Variants in NPRL2 observed in about 807,000 individuals in gnomAD.
NPRL2 encodes the protein NPR2 like, GATOR1 complex subunit.
Under a neutral mutation model 51.1 loss-of-function variants are expected in NPRL2, and 21 were observed. The ratio of observed to expected loss-of-function variants is 0.41; its 90% confidence interval spans 0.29 to 0.59. The LOEUF (loss-of-function observed/expected upper bound fraction) is 0.59. NPRL2 is among the 20% of genes least tolerant of loss of function. The probability of loss-of-function intolerance (pLI) is 0.29; values close to 1 mark genes in which losing one functional copy is unlikely to be tolerated. For synonymous variants in NPRL2, 175 were observed against 187.8 expected, an observed-to-expected ratio of 0.93 and a Z score of 0.56; for missense variants, 376 against 483.4, an observed-to-expected ratio of 0.78 and a Z score of 2.08.
Position 50,348,267 on chromosome 3 carries a change from C to T in NPRL2, c.815-26G>A. The T allele has an allele frequency of 6.2e-7, 1 of 1,613,836 alleles. No homozygotes were observed. The highest frequency in any genetic ancestry group is 8.5e-7 in the Non-Finnish European group (1 of 1,179,884). On this transcript the variant is annotated intron_variant, in intron 8 of 10. Coordinates refer to ENST00000232501, the MANE Select transcript of NPRL2 (RefSeq NM_006545.5). The surrounding 1 kb of genome is among the most constrained non-coding windows in gnomAD (Gnocchi z 5.8). ...CTGTGGGTGCCAGGGATCAGCTCAT[C>T]ATGTGGCCCTGCCCTCCCCAAGATG...
Position 50,349,833 on chromosome 3 carries a change from G to C in NPRL2, c.171C>G (p.Val57=), listed in dbSNP as rs756778648. ...KPELQNKLIT[V]TAMEKKLIGC... is the part of the protein sequence containing the mutation. ...CGATCAGCTTCTTTTCCATAGCTGT[G>C]CTGGATAATTGGAACACAGTCAGGC... is the stretch of plus-strand genomic sequence containing the variant. The change falls in exon 3 of 11, where the codon GTC becomes GTG. Residue 57 remains valine (V), a splice_region_variant and synonymous_variant. Coordinates refer to ENST00000232501, the MANE Select transcript of NPRL2 (RefSeq NM_006545.5). The surrounding 1 kb of genome is among the most constrained non-coding windows in gnomAD (Gnocchi z 4.6). 21 of 1,611,996 alleles carry C rather than the reference G, an allele frequency of 1.3e-5. No individual in the cohort carries two copies. Among genetic ancestry groups the C allele is most frequent in the Middle Eastern group, 1.7e-4 (1 of 6,058 alleles).
chr3:50,348,438 C>T lies in NPRL2; in HGVS notation c.721-28G>A. On this transcript the variant is annotated intron_variant, in intron 7 of 10. Coordinates refer to ENST00000232501, the MANE Select transcript of NPRL2 (RefSeq NM_006545.5). The surrounding 1 kb of genome is among the most constrained non-coding windows in gnomAD (Gnocchi z 5.8). ...AGAGGGTAGCAGAAGGCATAGGGGC[C>T]TGAGTGAGGGGCTTGGGAAGCTGAC... 8.7e-6 allele frequency: 14 copies of T among 1,613,430 alleles called. No homozygotes were observed. Among genetic ancestry groups the T allele is most frequent in the Non-Finnish European group, 1.1e-5 (13 of 1,179,540 alleles).
At position 50,348,365 on chromosome 3, in the gene NPRL2, C is replaced by T; in HGVS notation, c.766G>A (p.Asp256Asn). ...CATGCCTCTTGCAGGGACTTGTCAT[C>T]TACCAGGTCCTGGACCTTGGGCGTT... ...CPTPKVQDLV[D>N]DKSLQEACLS... The change falls in exon 8 of 11, where the codon GAT becomes AAT. Residue 256 changes from aspartate (D) to asparagine (N), a missense_variant. Physicochemically the swap from Asp to Asn is conservative, Grantham distance 23. Coordinates refer to ENST00000232501, the MANE Select transcript of NPRL2 (RefSeq NM_006545.5). This position sits in a 1 kb window ranked among gnomAD's most constrained non-coding sequence, Gnocchi z 5.8. The T allele has an allele frequency of 1.2e-6, 2 of 1,613,936 alleles. No individual in the cohort carries two copies. The highest frequency in any genetic ancestry group is 1.7e-6 in the Non-Finnish European group (2 of 1,180,036).
In NPRL2 at chr3:50,349,258, C is replaced by T; in HGVS notation, c.448+128G>A. 1 of 907,100 alleles carries T rather than the reference C, an allele frequency of 1.1e-6. No homozygotes were observed. Among genetic ancestry groups the T allele is most frequent in the Non-Finnish European group, 1.7e-6 (1 of 582,990 alleles). The allele number at this position is 907,100 out of a possible 1,614,324, so 56.2% of individuals were successfully genotyped here. A position where few individuals can be genotyped will look rare whatever the true frequency, so the allele number is the denominator to read the frequency against. On this transcript the variant is annotated intron_variant, in intron 4 of 10. Coordinates refer to ENST00000232501, the MANE Select transcript of NPRL2 (RefSeq NM_006545.5). The surrounding 1 kb of genome is among the most constrained non-coding windows in gnomAD (Gnocchi z 4.6). ...TCATGCATTGGACCCTGGACATGGGCACCTCAGCCCATGGCTATTTCCTGC... is the reference window on the plus strand; with the variant it reads ...TCATGCATTGGACCCTGGACATGGGTACCTCAGCCCATGGCTATTTCCTGC...
rs112055849 is a variant in NPRL2, at chr3:50,348,460, T to C, written c.721-50A>G. The C allele has an allele frequency of 1.2e-6, 2 of 1,613,396 alleles. No individual in the cohort carries two copies. The highest frequency in any genetic ancestry group is 3.3e-5 in the Admixed American group (2 of 59,994). ...GGCCTGAGTGAGGGGCTTGGGAAGCTGACACAGCCCTGGTCTGGTCCAGCC... is the reference window on the plus strand; with the variant it reads ...GGCCTGAGTGAGGGGCTTGGGAAGCCGACACAGCCCTGGTCTGGTCCAGCC... On this transcript the variant is annotated intron_variant, in intron 7 of 10. Transcript: ENST00000232501. This position sits in a 1 kb window ranked among gnomAD's most constrained non-coding sequence, Gnocchi z 5.8.
At position 50,348,534 on chromosome 3, in the gene NPRL2, A is replaced by G. The variant is rs1428487347; in HGVS notation, c.713T>C (p.Ile238Thr). The change falls in exon 7 of 11, where the codon ATC becomes ACC. Residue 238 changes from isoleucine to threonine, a missense_variant. Coordinates refer to ENST00000232501, the MANE Select transcript of NPRL2 (RefSeq NM_006545.5). The surrounding 1 kb of genome is among the most constrained non-coding windows in gnomAD (Gnocchi z 5.8). ...LYYGVVTLVSILQYSNVYCPT... is the reference protein window; with the variant it reads ...LYYGVVTLVSTLQYSNVYCPT... ...CAAACCCAACTCACCTACCTGGAGG[A>G]TGGACACCAGTGTCACAACGCCGTA... 1.2e-6 allele frequency: 2 copies of G among 1,613,972 alleles called. No individual in the cohort carries two copies. Among genetic ancestry groups the G allele is most frequent in the African/African-American group, 1.3e-5 (1 of 74,918 alleles).
rs975739402 is a variant in NPRL2 at position 50,347,513 on chromosome 3, T to C, written c.*93A>G. The C allele has an allele frequency of 2.0e-6, 3 of 1,503,260 alleles. No homozygotes were observed. Among genetic ancestry groups the C allele is most frequent in the Non-Finnish European group, 2.8e-6 (3 of 1,083,016 alleles). 93.1% of individuals were successfully genotyped at this position (1,503,260 alleles called of 1,614,324 possible). ...GCTGTTTGAAATGGATGTCTTTATT[T>C]ACAGAACTAAGAGTCAACCTCTAGA... On this transcript the variant is annotated 3_prime_UTR_variant, in exon 11 of 11. Transcript: ENST00000232501.
chr3:50,349,673 TG>T lies in NPRL2; in HGVS notation c.330del (p.Thr111HisfsTer2). 1 of 1,612,228 alleles carries T rather than the reference TG, an allele frequency of 6.2e-7. No homozygotes were observed. The highest frequency in any genetic ancestry group is 8.5e-7 in the Non-Finnish European group (1 of 1,178,796). ...CCCATCTCATTGCAGACCTCTAGTGTGGTCAGATAGCCAGCCAGCTTTTTAA... is the reference window on the plus strand; with the variant it reads ...CCCATCTCATTGCAGACCTCTAGTGTGTCAGATAGCCAGCCAGCTTTTTAA... ...PIVKKLAGYL[T>X]TLELESSFVS... On this transcript the variant is annotated frameshift_variant, in exon 3 of 11. Coordinates refer to ENST00000232501, the MANE Select transcript of NPRL2 (RefSeq NM_006545.5). LOFTEE classifies it high-confidence loss of function. The surrounding 1 kb of genome is among the most constrained non-coding windows in gnomAD (Gnocchi z 4.6).
Position 50,348,590 on chromosome 3 carries a change from C to T in NPRL2, c.684-27G>A, listed in dbSNP as rs1355857704. ...TGAGAGAGAGAGCTGTGCTCAGCTT[C>T]TGAGGACCATGCCTTCCCAACCCTC... On this transcript the variant is annotated intron_variant, in intron 6 of 10. Coordinates refer to ENST00000232501, the MANE Select transcript of NPRL2 (RefSeq NM_006545.5). The surrounding 1 kb of genome is among the most constrained non-coding windows in gnomAD (Gnocchi z 5.8). The T allele has an allele frequency of 2.5e-6, 4 of 1,614,142 alleles. No homozygotes were observed. Among genetic ancestry groups the T allele is most frequent in the South Asian group, 1.1e-5 (1 of 91,086 alleles).
In NPRL2 at chr3:50,349,739, A is replaced by G. The variant is rs1253808662; in HGVS notation, c.265T>C (p.Cys89Arg). 1 of 1,613,956 alleles carries G rather than the reference A, an allele frequency of 6.2e-7. No homozygotes were observed. ...GCGCAGGTCTTGGCCTGGGCATCAC[A>G]CACGAAGCCCAGGTTGAAGAGGAGA... ...NALLFNLGFVCDAQAKTCALE... is the reference protein window; with the variant it reads ...NALLFNLGFVRDAQAKTCALE... The change falls in exon 3 of 11, where the codon TGT (cysteine) becomes CGT (arginine). Residue 89 changes from cysteine to arginine, a missense_variant. Coordinates refer to ENST00000232501, the MANE Select transcript of NPRL2 (RefSeq NM_006545.5). This position sits in a 1 kb window ranked among gnomAD's most constrained non-coding sequence, Gnocchi z 4.6.
At chr3:50,347,984 C>T in intron 9 of NPRL2, 83 bp from the exon 10 acceptor site, 1 of 1,601,684 alleles carries the variant, frequency 6.2e-7, no homozygotes, top group Non-Finnish European at 8.5e-7. Flanking sequence ...AGTCTCCCTT[C>T]AATTTTGTCT....
Position 50,349,585 on chromosome 3 carries a change from G to A in NPRL2, c.339+80C>T. 1.2e-6 allele frequency: 2 copies of A among 1,608,764 alleles called. No individual in the cohort carries two copies. Among genetic ancestry groups the A allele is most frequent in the South Asian group, 1.1e-5 (1 of 90,904 alleles). On this transcript the variant is annotated intron_variant, in intron 3 of 10. Coordinates refer to ENST00000232501, the MANE Select transcript of NPRL2 (RefSeq NM_006545.5). The surrounding 1 kb of genome is among the most constrained non-coding windows in gnomAD (Gnocchi z 4.6). ...TCCTGAGCTGGTTTGCAGGGTCCCA[G>A]GTTTGGGGGACTTTGGAGACATGGG...
At position 50,349,279 on chromosome 3, in the gene NPRL2, C is replaced by G. The variant is rs2233482; in HGVS notation, c.448+107G>C. ...TGGGCACCTCAGCCCATGGCTATTT[C>G]CTGCCCACCAATGTGTTCATGAGTC... On this transcript the variant is annotated intron_variant, in intron 4 of 10. Coordinates refer to ENST00000232501, the MANE Select transcript of NPRL2 (RefSeq NM_006545.5). This position sits in a 1 kb window ranked among gnomAD's most constrained non-coding sequence, Gnocchi z 4.6. 8,667 of 1,051,514 alleles carry G rather than the reference C, an allele frequency of 8.2e-3. 504 individuals carry two copies. In the African/African-American group the frequency reaches 0.12, roughly 15 times the overall value. The allele number at this position is 1,051,514 out of a possible 1,614,324, so 65.1% of individuals were successfully genotyped here.
At position 50,349,138 on chromosome 3, in the gene NPRL2, T is replaced by G. The variant is rs1046509534; in HGVS notation, c.449-128A>C. On this transcript the variant is annotated intron_variant, in intron 4 of 10. Transcript: ENST00000232501. The surrounding 1 kb of genome is among the most constrained non-coding windows in gnomAD (Gnocchi z 4.6). ...GGTAGGGCTAATCTTTCTCTTTTTA[T>G]GGAGTGAGAAACGGAGGCCCACAAA... 2.3e-5 allele frequency: 28 copies of G among 1,199,910 alleles called. No homozygotes were observed. The highest frequency in any genetic ancestry group is 4.9e-5 in the Admixed American group (2 of 40,658). 74.3% of individuals were successfully genotyped at this position (1,199,910 alleles called of 1,614,324 possible). A position where few individuals can be genotyped will look rare whatever the true frequency, so the allele number is the denominator to read the frequency against.
In NPRL2 at chr3:50,350,669, A is replaced by G. The variant is rs1489989096; in HGVS notation, c.-17T>C. On this transcript the variant is annotated 5_prime_UTR_variant, in exon 1 of 11. Transcript: ENST00000232501. The surrounding 1 kb of genome is among the most constrained non-coding windows in gnomAD (Gnocchi z 5.7). ...GCTGCCCATGGCAATAACCGGGCCC[A>G]GGCCCGTAGCTCCTCGTTCCTCGCG... The G allele has an allele frequency of 6.3e-7, 1 of 1,594,924 alleles. No individual in the cohort carries two copies. The highest frequency in any genetic ancestry group is 8.5e-7 in the Non-Finnish European group (1 of 1,171,010).
Position 50,348,783 on chromosome 3 carries a change from C to T in NPRL2, c.586-1G>A, listed in dbSNP as rs202023324. 1 of 1,614,052 alleles carries T rather than the reference C, an allele frequency of 6.2e-7. No homozygotes were observed. The highest frequency in any genetic ancestry group is 2.2e-5 in the East Asian group (1 of 44,888). On this transcript the variant is annotated splice_acceptor_variant, in intron 5 of 10. Coordinates refer to ENST00000232501, the MANE Select transcript of NPRL2 (RefSeq NM_006545.5). LOFTEE classifies it high-confidence loss of function. The surrounding 1 kb of genome is among the most constrained non-coding windows in gnomAD (Gnocchi z 5.8). ...GGAACCCATCAATGTAGGGCAGGAT[C>T]TGGGCAGAGTGGGACAAGGTCAGAA...
chr3:50,349,534 AC>A lies in NPRL2; in HGVS notation c.340-41del, dbSNP rs776081495. Reference sequence around the variant, plus strand: ...GAAAGCATGGTGGGCACATCCCAGGACCCCTGGCTGGTTGGCTGCCCTGAGT... The same window carrying A: ...GAAAGCATGGTGGGCACATCCCAGGACCCTGGCTGGTTGGCTGCCCTGAGT... On this transcript the variant is annotated intron_variant, in intron 3 of 10. Coordinates refer to ENST00000232501, the MANE Select transcript of NPRL2 (RefSeq NM_006545.5). This position sits in a 1 kb window ranked among gnomAD's most constrained non-coding sequence, Gnocchi z 4.6. 1 of 1,612,264 alleles carries A rather than the reference AC, an allele frequency of 6.2e-7. No individual in the cohort carries two copies. Among genetic ancestry groups the A allele is most frequent in the South Asian group, 1.1e-5 (1 of 91,032 alleles).
chr3:50,350,505 C>T lies in NPRL2; in HGVS notation c.78+70G>A. ...CTGCGTGCAGCACGGGAAACTACTG[C>T]CTTCAGGCAGCCAGTTGAGCTCTCG... On this transcript the variant is annotated intron_variant, in intron 1 of 10. Transcript: ENST00000232501. This position sits in a 1 kb window ranked among gnomAD's most constrained non-coding sequence, Gnocchi z 5.7. 1 of 1,458,094 alleles carries T rather than the reference C, an allele frequency of 6.9e-7. No individual in the cohort carries two copies. Among genetic ancestry groups the T allele is most frequent in the Non-Finnish European group, 9.4e-7 (1 of 1,064,390 alleles). 90.3% of individuals were successfully genotyped at this position (1,458,094 alleles called of 1,614,324 possible).
chr3:50,350,100 C>T lies in NPRL2; in HGVS notation c.79-78G>A. 8.4e-7 allele frequency: 1 copy of T among 1,191,644 alleles called. No homozygotes were observed. 73.8% of individuals were successfully genotyped at this position (1,191,644 alleles called of 1,614,324 possible). ...GTACAAATGGTGACCTCCTCATGCC[C>T]CCCAAGCCCAAGTCCTCTTCTCCAG... On this transcript the variant is annotated intron_variant, in intron 1 of 10. Coordinates refer to ENST00000232501, the MANE Select transcript of NPRL2 (RefSeq NM_006545.5). The surrounding 1 kb of genome is among the most constrained non-coding windows in gnomAD (Gnocchi z 5.7).
Sources: allele counts gnomAD v4.1 joint callset, GRCh38; gene constraint gnomAD v4.1.1; non-coding constraint Gnocchi (gnomAD v3.1); transcripts MANE v1.5; gene names NCBI Gene and HGNC (gene_info 2026-07-23, HGNC 2026-07-21).